Variants in TMED3 observed in about 807,000 individuals in gnomAD.
TMED3 encodes transmembrane emp24 domain-containing protein 3.
In TMED3, 9 loss-of-function variants were observed where a neutral mutation model predicts 15.0. That is an observed-to-expected ratio of 0.60 (90% CI 0.36 to 1.04). The LOEUF is 1.04. Among genes scored for constraint, TMED3 ranks in the 50% least tolerant of loss-of-function variants. The probability of loss-of-function intolerance (pLI) is 0.01; values close to 1 mark genes in which losing one functional copy is unlikely to be tolerated. For synonymous variants in TMED3, 117 were observed against 121.4 expected (o/e 0.96, Z 0.24); for missense variants, 267 against 278.9 (o/e 0.96, Z 0.30).
At chr15:79,407,782 G>A (rs1010582693) in intron 2 of TMED3, among the ~76,000 whole-genome samples, 6 of 152,286 alleles carry the variant, frequency 3.9e-5, no homozygotes, top group African/African-American at 1.4e-4. Flanking sequence ...CCCCTGACAG[G>A]AAACGTTTGC....
chr15:79,330,368 G>A (rs1046891182), intron 2 of TMED3, among the ~76,000 whole-genome samples: 2 of 150,468 alleles, frequency 1.3e-5, no homozygotes, highest in African/African-American at 4.9e-5. Flanking sequence ...ACAAAACACA[G>A]TAACATTTAT....
At chr15:79,333,868 T>C (rs1010878050) in intron 2 of TMED3, among the ~76,000 whole-genome samples, 2 of 152,148 alleles carry the variant, frequency 1.3e-5, no homozygotes, top group Non-Finnish European at 1.5e-5. Context: ...CTCAGGTAGA[T>C]TCTCCTTCAA....
At chr15:79,410,669 G>A (rs999923603) in intron 2 of TMED3, among the ~76,000 whole-genome samples, 4 of 149,852 alleles carry the variant, frequency 2.7e-5, no homozygotes, top group Non-Finnish European at 5.9e-5. Flanking sequence ...AGATACATGT[G>A]AAATATATAT....
chr15:79,353,302 A>ATATATTATATATAATATATATTATATG (rs2058904174), intron 2 of TMED3, among the ~76,000 whole-genome samples: 1 of 9,764 alleles, frequency 1.0e-4, no homozygotes, highest in Non-Finnish European at 2.2e-4. Flanking sequence ...TGTATATTAT[A>ATATATTATATATAATATATATTATATG]TATATTATAT....
intron 2 of TMED3, among the ~76,000 whole-genome samples, chr15:79,377,679 G>A (rs367818756): frequency 7.7e-6 from 1 of 129,658 alleles, no homozygotes; most frequent in Admixed American, 9.4e-5. Context: ...ACGGAGTCTC[G>A]CTCTTTCGCC....
At chr15:79,393,118 C>A in intron 2 of TMED3, among the ~76,000 whole-genome samples, 1 of 152,292 alleles carries the variant, frequency 6.6e-6, no homozygotes, top group Non-Finnish European at 1.5e-5. Context: ...TTCTTTGATC[C>A]TTTAAAGAGA....
chr15:79,408,258 T>C (rs962420445), intron 2 of TMED3, among the ~76,000 whole-genome samples: 1 of 152,184 alleles, frequency 6.6e-6, no homozygotes, highest in African/African-American at 2.4e-5. Context: ...AGGCCCTGCT[T>C]AGAGGGCTGG....
At chr15:79,332,043 A>T (rs928837923) in intron 2 of TMED3, among the ~76,000 whole-genome samples, 1 of 148,044 alleles carries the variant, frequency 6.8e-6, no homozygotes, top group Non-Finnish European at 1.5e-5. Flanking sequence ...AGAAAGCAAG[A>T]CCTTGTCTCA....
At chr15:79,391,140 G>T (rs1893690774) in intron 2 of TMED3, among the ~76,000 whole-genome samples, 1 of 151,140 alleles carries the variant, frequency 6.6e-6, no homozygotes, top group African/African-American at 2.4e-5. Flanking sequence ...AGTTTGGTTT[G>T]TTCTTGTTTC....
chr15:79,367,056 C>T (rs963080498), intron 2 of TMED3, among the ~76,000 whole-genome samples: 1 of 152,158 alleles, frequency 6.6e-6, no homozygotes, highest in Non-Finnish European at 1.5e-5. Context: ...TGATTATAAA[C>T]CAAGTTTCAT....
At chr15:79,394,019 C>T (rs975808041) in intron 2 of TMED3, among the ~76,000 whole-genome samples, 14 of 152,104 alleles carry the variant, frequency 9.2e-5, no homozygotes, top group Non-Finnish European at 1.8e-4. Context: ...TCATATTCTC[C>T]TTTCTACCTC....
At chr15:79,376,028 G>T (rs1893418163) in intron 2 of TMED3, among the ~76,000 whole-genome samples, 1 of 148,750 alleles carries the variant, frequency 6.7e-6, no homozygotes, top group Admixed American at 6.6e-5. Context: ...TGCCTCCTTT[G>T]CTTATCACTT....
At chr15:79,339,635 A>G (rs959761165) in intron 2 of TMED3, among the ~76,000 whole-genome samples, 1 of 152,104 alleles carries the variant, frequency 6.6e-6, no homozygotes, top group African/African-American at 2.4e-5. Flanking sequence ...TGGTGGCGGC[A>G]GTGCAGCTGC....
At chr15:79,336,734 A>G (rs963947431) in intron 2 of TMED3, among the ~76,000 whole-genome samples, 1 of 152,124 alleles carries the variant, frequency 6.6e-6, no homozygotes, top group Non-Finnish European at 1.5e-5. Context: ...AAACAAAGAA[A>G]AAAACACATT....
At chr15:79,357,893 A>G (rs1257833719) in intron 2 of TMED3, among the ~76,000 whole-genome samples, 1 of 152,216 alleles carries the variant, frequency 6.6e-6, no homozygotes, top group African/African-American at 2.4e-5. Context: ...GCATGCCATC[A>G]TACCCTAGGA....
intron 2 of TMED3, among the ~76,000 whole-genome samples, chr15:79,375,510 C>T (rs968958001): frequency 6.6e-6 from 1 of 152,074 alleles, no homozygotes; most frequent in Non-Finnish European, 1.5e-5. Flanking sequence ...TTAATTGGCT[C>T]ACGGTTCTGC....
At chr15:79,406,092 T>G (rs1342119227) in intron 2 of TMED3, among the ~76,000 whole-genome samples, 1 of 152,228 alleles carries the variant, frequency 6.6e-6, no homozygotes, top group African/African-American at 2.4e-5. Flanking sequence ...ATTTCGTTTT[T>G]GCGGAAGCCA....
At chr15:79,359,456 G>C (rs1893081588) in intron 2 of TMED3, among the ~76,000 whole-genome samples, 1 of 151,974 alleles carries the variant, frequency 6.6e-6, no homozygotes. Context: ...TCGAACTCCT[G>C]ACCTCAAGTG....
intron 2 of TMED3, among the ~76,000 whole-genome samples, chr15:79,359,204 A>G (rs1893075641): frequency 6.6e-6 from 1 of 150,814 alleles, no homozygotes; most frequent in East Asian, 2.0e-4. Context: ...GAGGAGAGGT[A>G]CAGTTTATTT....
Sources: allele counts gnomAD v4.1 joint callset (sites outside exome capture counted in the v4.1 genomes callset), GRCh38; gene constraint gnomAD v4.1.1; transcripts MANE v1.5; gene names NCBI Gene and HGNC (gene_info 2026-07-23, HGNC 2026-07-21).